RTTN: variants seen among roughly 807,000 people sequenced by gnomAD.
RTTN encodes the protein rotatin.
Under a neutral mutation model 269.2 loss-of-function variants are expected in RTTN, and 182 were observed. That is an observed-to-expected ratio of 0.68 (90% CI 0.60 to 0.76). The LOEUF is 0.76. RTTN is among the 30% of genes least tolerant of loss of function. The pLI, the probability that RTTN is intolerant of heterozygous loss-of-function variation, is 0.00. For synonymous variants in RTTN, 1,006 were observed against 963.5 expected, an observed-to-expected ratio of 1.04 and a Z score of -0.82; for missense variants, 2,545 against 2,608.6, an observed-to-expected ratio of 0.98 and a Z score of 0.53.
At chr18:70,175,709 G>A (rs557163724) in intron 11 of RTTN, among the ~76,000 whole-genome samples, 7 of 149,692 alleles carry the variant, frequency 4.7e-5, no homozygotes, top group Admixed American at 4.7e-4. Context: ...ACAAATACAA[G>A]AAATAGGACA....
chr18:70,091,188 C>T (rs1415127790), intron 30 of RTTN, among the ~76,000 whole-genome samples: 1 of 152,052 alleles, frequency 6.6e-6, no homozygotes, highest in Non-Finnish European at 1.5e-5. Flanking sequence ...TAAGTTAAGA[C>T]TTTTGAGGTT....
rs58913700 is a variant in RTTN at position 70,196,614 on chromosome 18, T to TCTC, written c.725_727dup (p.Gly242dup). ...CTGTAATGCCAGGCGATGCTTTCCA[T>TCTC]CTCCAAAGGCCAGTTTCAACAGAGA... On this transcript the variant is annotated inframe_insertion, in exon 7 of 49. Coordinates refer to ENST00000640769, the MANE Select transcript of RTTN (RefSeq NM_173630.4). The TCTC allele has an allele frequency of 0.99, 1,600,583 of 1,613,158 alleles. 794,838 individuals are homozygous for TCTC. Among genetic ancestry groups the TCTC allele is most frequent in the East Asian group, 1 (44,837 of 44,838 alleles).
At chr18:70,054,811 C>A in intron 37 of RTTN, among the ~76,000 whole-genome samples, 1 of 151,760 alleles carries the variant, frequency 6.6e-6, no homozygotes, top group Non-Finnish European at 1.5e-5. Context: ...AGAGTAAAAC[C>A]CTGTTTCAAA....
intron 14 of RTTN, among the ~76,000 whole-genome samples, chr18:70,156,782 G>T (rs1256111547): frequency 6.6e-6 from 1 of 152,136 alleles, no homozygotes; most frequent in East Asian, 1.9e-4. Context: ...ATTGGGGCAG[G>T]TTCCCTGATA....
chr18:70,020,554 G>A, intron 45 of RTTN, 61 bp downstream of exon 45: 1 of 1,365,494 alleles, frequency 7.3e-7, no homozygotes, highest in Non-Finnish European at 1.0e-6. Flanking sequence ...GTAAACTTTT[G>A]ATTGGAAAGA....
chr18:70,117,984 C>G (rs920840310), intron 26 of RTTN, among the ~76,000 whole-genome samples: 3 of 151,800 alleles, frequency 2.0e-5, no homozygotes, highest in Non-Finnish European at 2.9e-5. Context: ...ACAGCAAAAG[C>G]AGGTCTAAGA....
At position 70,137,532 on chromosome 18, in the gene RTTN, C is replaced by T. The variant is rs150345241; in HGVS notation, c.2788+2067G>A. Among the ~76,000 whole-genome samples the T allele has an allele frequency of 5.0e-3, 764 of 152,156 alleles. 5 individuals are homozygous for T. Among genetic ancestry groups the T allele is most frequent in the African/African-American group, 0.017 (723 of 41,524 alleles). ...CTTCACTGCTGTTTAATAAAATCTC[C>T]CAGGCCCTGCACGAACTGCCCTCCC... On this transcript the variant is annotated intron_variant, in intron 21 of 48. Transcript: ENST00000640769.
intron 10 of RTTN, among the ~76,000 whole-genome samples, chr18:70,177,277 G>T (rs1344442409): frequency 6.6e-6 from 1 of 152,114 alleles, no homozygotes. Context: ...ATTAGTACAA[G>T]AGACATGATG....
In RTTN at chr18:70,004,220, T is replaced by G; in HGVS notation, c.6612A>C (p.Glu2204Asp). ...SLAKKTFPNSEANPLNAYYLK... is the reference protein window; with the variant it reads ...SLAKKTFPNSDANPLNAYYLK... ...AATAATAGGCATTTAGAGGGTTTGC[T>G]TCTGAGTTTGGGAAAGCTGAGATAG... Residue 2204 changes from glutamate (E) to aspartate (D), a missense_variant, in exon 49 of 49, where the codon GAA becomes GAC. By Grantham distance (45) the Glu-to-Asp change is conservative. Transcript: ENST00000640769. The G allele has an allele frequency of 6.2e-7, 1 of 1,613,526 alleles. No individual in the cohort carries two copies. The highest frequency in any genetic ancestry group is 8.5e-7 in the Non-Finnish European group (1 of 1,179,514).
chr18:70,044,540 C>A (rs1448968790), intron 40 of RTTN, among the ~76,000 whole-genome samples: 1 of 152,118 alleles, frequency 6.6e-6, no homozygotes, highest in Non-Finnish European at 1.5e-5. Flanking sequence ...TCCATATATT[C>A]TAAGTTTTAT....
intron 14 of RTTN, among the ~76,000 whole-genome samples, chr18:70,161,802 T>A (rs375808248): frequency 6.6e-6 from 1 of 152,206 alleles, no homozygotes; most frequent in East Asian, 1.9e-4. Flanking sequence ...TGAGATATCA[T>A]CTCATACCAG....
intron 43 of RTTN, among the ~76,000 whole-genome samples, chr18:70,026,929 C>G (rs535653842): frequency 3.9e-5 from 6 of 152,188 alleles, no homozygotes; most frequent in Non-Finnish European, 1.5e-5. Context: ...GAGGCTAGCA[C>G]GTGCAAGCAT....
At chr18:70,138,265 G>C (rs1383260100) in intron 21 of RTTN, 1 of 152,090 alleles carries the variant, frequency 6.6e-6, no homozygotes, top group African/African-American at 2.4e-5. Flanking sequence ...GGTGATAAGA[G>C]TGAAATTCTT....
At chr18:70,185,520 G>A (rs192313125) in intron 10 of RTTN, among the ~76,000 whole-genome samples, 5 of 152,226 alleles carry the variant, frequency 3.3e-5, no homozygotes, top group Admixed American at 3.3e-4. Context: ...AAATGTACTA[G>A]AGCTAATCTT....
intron 37 of RTTN, 52 bp downstream of exon 37, chr18:70,057,684 GATTTTT>G (rs2057857392): frequency 7.6e-7 from 1 of 1,322,446 alleles, no homozygotes; most frequent in Non-Finnish European, 1.1e-6. Flanking sequence ...TCCTCAGCAA[GATTTTT>G]ATTTTTGACA....
intron 14 of RTTN, among the ~76,000 whole-genome samples, chr18:70,152,481 T>C (rs2060564887): frequency 6.6e-6 from 1 of 152,308 alleles, no homozygotes; most frequent in South Asian, 2.1e-4. Context: ...TCAATAAATG[T>C]TAGCTGCTAT....
At chr18:70,038,929 A>G (rs906896520) in intron 40 of RTTN, among the ~76,000 whole-genome samples, 5 of 152,238 alleles carry the variant, frequency 3.3e-5, no homozygotes, top group Admixed American at 1.3e-4. Flanking sequence ...TAAAAATTCA[A>G]TTGGCATACT....
intron 36 of RTTN, among the ~76,000 whole-genome samples, chr18:70,058,264 C>A (rs1349050916): frequency 1.3e-5 from 2 of 152,178 alleles, no homozygotes; most frequent in East Asian, 3.8e-4. Flanking sequence ...CGCCTGTAAT[C>A]CCAGCACTTT....
chr18:70,046,562 T>C (rs2057496663), intron 40 of RTTN, among the ~76,000 whole-genome samples: 1 of 152,178 alleles, frequency 6.6e-6, no homozygotes, highest in South Asian at 2.1e-4. Context: ...GGAGACTCAG[T>C]TAATCATTGG....
Sources: allele counts gnomAD v4.1 joint callset (sites outside exome capture counted in the v4.1 genomes callset), GRCh38; gene constraint gnomAD v4.1.1; transcripts MANE v1.5; gene names NCBI Gene and HGNC (gene_info 2026-07-23, HGNC 2026-07-21).